Variants in HIVEP3 observed in about 807,000 individuals in gnomAD.
The protein encoded by HIVEP3 is HIVEP zinc finger 3.
Under a neutral mutation model 152.8 loss-of-function variants are expected in HIVEP3, and 49 were observed. The ratio of observed to expected loss-of-function variants is 0.32; its 90% CI spans 0.26 to 0.41. The LOEUF (loss-of-function observed/expected upper bound fraction) is 0.41. HIVEP3 is among the 10% of genes least tolerant of loss of function. The pLI is 1.00. For missense variants in HIVEP3, 2,790 were observed against 3,103.3 expected, an observed-to-expected ratio of 0.90 and a Z score of 2.40; for synonymous variants, 1,269 against 1,289.0, an observed-to-expected ratio of 0.98 and a Z score of 0.33.
chr1:41,673,376 C>T (rs1341455172), intron 2 of HIVEP3, among the ~76,000 whole-genome samples: 1 of 152,232 alleles, frequency 6.6e-6, no homozygotes, highest in Non-Finnish European at 1.5e-5. Context: ...AGGCAGACAG[C>T]ATTTTCAGTT....
chr1:41,769,771 G>A (rs1039795761), intron 1 of HIVEP3, among the ~76,000 whole-genome samples: 5 of 151,764 alleles, frequency 3.3e-5, no homozygotes, highest in Non-Finnish European at 1.5e-5. Flanking sequence ...AAAATCTTTG[G>A]GTCAATACTA....
rs117139865 is a variant in HIVEP3 at position 41,555,944 on chromosome 1, C to T, written c.5207+19600G>A. On this transcript the variant is annotated intron_variant, in intron 5 of 8. Transcript: ENST00000372583. ...GCATGGTGTCCTCAAGGTTCATCCA[C>T]GTGTGGCAGGTATCAGAATGTCCTT... 1.6e-3 allele frequency among the ~76,000 whole-genome samples: 250 copies of T among 152,328 alleles called. 3 individuals are homozygous for T. The East Asian group carries it at 0.039, about 24-fold the overall frequency.
At chr1:41,912,258 A>T (rs1644808161) in intron 1 of HIVEP3, among the ~76,000 whole-genome samples, 1 of 152,120 alleles carries the variant, frequency 6.6e-6, no homozygotes. Context: ...CTTTTTCTCA[A>T]ATTGACTGGT....
At chr1:41,574,888 G>A (rs1311579594) in intron 5 of HIVEP3, among the ~76,000 whole-genome samples, 1 of 152,174 alleles carries the variant, frequency 6.6e-6, no homozygotes, top group Non-Finnish European at 1.5e-5. Flanking sequence ...TCTGAAACAC[G>A]GCACCCTTCC....
chr1:41,710,249 C>T (rs907669924), intron 1 of HIVEP3, among the ~76,000 whole-genome samples: 3 of 152,122 alleles, frequency 2.0e-5, no homozygotes, highest in Non-Finnish European at 4.4e-5. Flanking sequence ...CAAAATAGTC[C>T]CTGGGGGTCA....
intron 1 of HIVEP3, among the ~76,000 whole-genome samples, chr1:41,750,852 T>G (rs2124223314): frequency 6.6e-6 from 1 of 152,144 alleles, no homozygotes; most frequent in South Asian, 2.1e-4. Flanking sequence ...GTGTGTAGGA[T>G]TACAGGTATG....
chr1:41,660,822 G>A (rs1449157150), intron 2 of HIVEP3, among the ~76,000 whole-genome samples: 3 of 152,220 alleles, frequency 2.0e-5, no homozygotes, highest in African/African-American at 7.2e-5. Context: ...GGGTAATAGA[G>A]AGCTTGCACA....
chr1:41,561,829 C>T (rs1393102231), intron 5 of HIVEP3, among the ~76,000 whole-genome samples: 3 of 145,660 alleles, frequency 2.1e-5, no homozygotes, highest in Admixed American at 6.8e-5. Context: ...TTCATTGTTA[C>T]TGTGCATGGG....
chr1:41,562,157 C>G (rs1038638274), intron 5 of HIVEP3, among the ~76,000 whole-genome samples: 1 of 152,214 alleles, frequency 6.6e-6, no homozygotes, highest in African/African-American at 2.4e-5. Flanking sequence ...GTGTCATTAT[C>G]TCTATTTAGA....
intron 1 of HIVEP3, among the ~76,000 whole-genome samples, chr1:41,804,995 C>T (rs16828722): frequency 0.11 from 16,270 of 152,240 alleles, 1,025 homozygotes; most frequent in South Asian, 0.21. Flanking sequence ...GTGCACATGA[C>T]CCATGAGGCC....
At position 41,797,889 on chromosome 1, in the gene HIVEP3, G is replaced by C. The variant is rs575485308; in HGVS notation, c.-800-96894C>G. ...CAGCTACTCTGGAGGCTAAGGCAGG[G>C]GAATCACTTGAACTCAGGTGGCAGA... On this transcript the variant is annotated intron_variant, in intron 1 of 8. Coordinates refer to ENST00000372583, the MANE Select transcript of HIVEP3 (RefSeq NM_024503.5). Among the ~76,000 whole-genome samples the C allele has an allele frequency of 4.0e-4, 61 of 152,054 alleles. 1 individual carries two copies. Among genetic ancestry groups the C allele is most frequent in the African/African-American group, 1.4e-3 (60 of 41,470 alleles).
In HIVEP3 at chr1:41,590,545, T is replaced by G. The variant is rs140679653; in HGVS notation, c.-521-5227A>C. ...ACAAGAACATCACCCCAAGGAACAG[T>G]GGGACAAGAAGACAAGAAGACAGTG... On this transcript the variant is annotated intron_variant, in intron 3 of 8. Coordinates refer to ENST00000372583, the MANE Select transcript of HIVEP3 (RefSeq NM_024503.5). Among the ~76,000 whole-genome samples the G allele has an allele frequency of 2.1e-3, 325 of 152,270 alleles. 1 individual carries two copies. The highest frequency in any genetic ancestry group is 4.8e-3 in the South Asian group (23 of 4,816).
chr1:41,811,814 G>T (rs149280022), intron 1 of HIVEP3, among the ~76,000 whole-genome samples: 1 of 152,050 alleles, frequency 6.6e-6, no homozygotes, highest in African/African-American at 2.4e-5. Flanking sequence ...TACGAAAATC[G>T]CAGTTGCTGT....
In HIVEP3 at chr1:41,582,919, C is replaced by G. The variant is rs1473927422; in HGVS notation, c.1879G>C (p.Glu627Gln). 2.5e-6 allele frequency: 4 copies of G among 1,614,088 alleles called. No individual in the cohort carries two copies. Among genetic ancestry groups the G allele is most frequent in the African/African-American group, 2.7e-5 (2 of 75,008 alleles). Residue 627 changes from glutamate to glutamine, a missense_variant, in exon 4 of 9, where the codon GAG (glutamate) becomes CAG (glutamine). Transcript: ENST00000372583. The surrounding 1 kb of genome is among the most constrained non-coding windows in gnomAD (Gnocchi z 4.7). ...CCCTTCTTGGTCTTTTTGGTAAGCT[C>G]GCTTTCCTTGGGTTCCACTTCGTCC... Reference protein sequence around the residue: ...PSDEVEPKESELTKKTKKGLK... With the variant: ...PSDEVEPKESQLTKKTKKGLK...
chr1:41,951,549 C>G (rs1297439573), intron 1 of HIVEP3, among the ~76,000 whole-genome samples: 1 of 152,080 alleles, frequency 6.6e-6, no homozygotes, highest in African/African-American at 2.4e-5. Flanking sequence ...TATATGTGCA[C>G]TTGGTGTGTG....
intron 1 of HIVEP3, among the ~76,000 whole-genome samples, chr1:41,864,842 C>G (rs114435966): frequency 0.03 from 4,592 of 152,340 alleles, 217 homozygotes; most frequent in African/African-American, 0.1. Context: ...AAGGGGGTTA[C>G]GCTTCAGCGC....
At chr1:41,626,665 C>T (rs1645122619) in intron 3 of HIVEP3, among the ~76,000 whole-genome samples, 1 of 152,178 alleles carries the variant, frequency 6.6e-6, no homozygotes, top group South Asian at 2.1e-4. Context: ...TGTCCTGAGA[C>T]TGCTCATGAG....
intron 1 of HIVEP3, among the ~76,000 whole-genome samples, chr1:41,973,728 A>G (rs754813428): frequency 5.9e-5 from 9 of 152,238 alleles, no homozygotes; most frequent in East Asian, 1.9e-4. Context: ...TGGGGACCCA[A>G]TGGAAGAATC....
chr1:41,972,853 T>C (rs1182053429), intron 1 of HIVEP3, among the ~76,000 whole-genome samples: 1 of 152,232 alleles, frequency 6.6e-6, no homozygotes, highest in Non-Finnish European at 1.5e-5. Context: ...ACTTTTTCTC[T>C]GAGTGGGTTC....
Sources: gnomAD v4.1 joint callset for allele counts (sites outside exome capture counted in the v4.1 genomes callset) on GRCh38, gnomAD v4.1.1 for gene constraint, Gnocchi (gnomAD v3.1) non-coding constraint, MANE v1.5 for transcripts, NCBI Gene and HGNC (gene_info 2026-07-23, HGNC 2026-07-21) for gene names.